Variants in CYYR1 observed in about 807,000 individuals in gnomAD.
The protein encoded by CYYR1 is cysteine and tyrosine-rich protein 1.
A neutral mutation model predicts 15.2 loss-of-function variants in CYYR1; 14 were observed. The observed-to-expected ratio is 0.92, with a 90% CI of 0.61 to 1.44. The LOEUF is 1.44. Ranked by LOEUF, CYYR1 falls within the 40% of genes most tolerant of loss-of-function variation. CYYR1 has a pLI of 0.00. For missense variants in CYYR1, 228 were observed against 209.5 expected (o/e 1.09, Z -0.54); for synonymous variants, 80 against 77.4 (o/e 1.03, Z -0.18).
intron 3 of CYYR1, among the ~76,000 whole-genome samples, chr21:26,479,314 AAAG>A (rs1569139614): frequency 6.6e-6 from 1 of 152,076 alleles, no homozygotes; most frequent in Non-Finnish European, 1.5e-5. Context: ...AAAAAAAAAA[AAAG>A]ATTGACAGAG....
chr21:26,571,607 G>A (rs899955307), intron 1 of CYYR1, among the ~76,000 whole-genome samples: 1 of 152,240 alleles, frequency 6.6e-6, no homozygotes, highest in Non-Finnish European at 1.5e-5. Flanking sequence ...AGCAGAGGAA[G>A]TGAAAAGCAT....
At chr21:26,497,594 A>G (rs2065424857) in intron 2 of CYYR1, among the ~76,000 whole-genome samples, 2 of 152,168 alleles carry the variant, frequency 1.3e-5, no homozygotes, top group Non-Finnish European at 2.9e-5. Context: ...CCAGTAGCAC[A>G]TGGGGCTAAG....
chr21:26,549,768 A>G (rs1021858410), intron 2 of CYYR1, among the ~76,000 whole-genome samples: 18 of 152,186 alleles, frequency 1.2e-4, no homozygotes, highest in Non-Finnish European at 2.5e-4. Context: ...AGTAAAGTCA[A>G]TCTAAGCTTC....
intron 3 of CYYR1, among the ~76,000 whole-genome samples, chr21:26,469,623 T>A (rs1169376218): frequency 6.6e-6 from 1 of 152,180 alleles, no homozygotes; most frequent in Non-Finnish European, 1.5e-5. Flanking sequence ...GTCATTTCTT[T>A]ATGCTGGGAA....
chr21:26,560,479 G>A (rs1980121325), intron 2 of CYYR1, among the ~76,000 whole-genome samples: 1 of 152,204 alleles, frequency 6.6e-6, no homozygotes, highest in Non-Finnish European at 1.5e-5. Context: ...AGAAGTGGTA[G>A]AAGGCACTAG....
intron 2 of CYYR1, among the ~76,000 whole-genome samples, chr21:26,496,859 A>T (rs1276772375): frequency 6.6e-6 from 1 of 152,184 alleles, no homozygotes; most frequent in African/African-American, 2.4e-5. Context: ...GTTTCCCACC[A>T]GATGTGAGTG....
chr21:26,545,429 G>T (rs983526477), intron 2 of CYYR1, among the ~76,000 whole-genome samples: 3 of 152,010 alleles, frequency 2.0e-5, no homozygotes, highest in Non-Finnish European at 2.9e-5. Flanking sequence ...AGGCTTCTTC[G>T]TCTTCTTTTC....
chr21:26,548,617 G>C (rs556891884), intron 2 of CYYR1, among the ~76,000 whole-genome samples: 2 of 152,168 alleles, frequency 1.3e-5, no homozygotes, highest in Non-Finnish European at 2.9e-5. Flanking sequence ...CCAAAGTGCT[G>C]GGATCACAGG....
intron 2 of CYYR1, among the ~76,000 whole-genome samples, chr21:26,521,950 T>C (rs918180557): frequency 6.6e-6 from 1 of 152,206 alleles, no homozygotes; most frequent in African/African-American, 2.4e-5. Context: ...GGACCTGTGG[T>C]GGTATGGATT....
intron 2 of CYYR1, among the ~76,000 whole-genome samples, chr21:26,524,523 C>A (rs1473971058): frequency 6.6e-6 from 1 of 152,122 alleles, no homozygotes; most frequent in Admixed American, 6.5e-5. Flanking sequence ...AACAAATTAC[C>A]TTGTGGTAGA....
chr21:26,522,938 C>G (rs182533799), intron 2 of CYYR1, among the ~76,000 whole-genome samples: 1 of 152,294 alleles, frequency 6.6e-6, no homozygotes, highest in African/African-American at 2.4e-5. Context: ...GGAGCCCAGG[C>G]TCTGAGGAAG....
chr21:26,572,188 G>A (rs1487950329), intron 1 of CYYR1, among the ~76,000 whole-genome samples: 1 of 152,184 alleles, frequency 6.6e-6, no homozygotes, highest in African/African-American at 2.4e-5. Flanking sequence ...ACGTGTGTAA[G>A]ACACTTTATA....
chr21:26,485,164 G>A (rs62216507), intron 2 of CYYR1, among the ~76,000 whole-genome samples: 3 of 151,792 alleles, frequency 2.0e-5, no homozygotes, highest in South Asian at 2.1e-4. Context: ...CGCCTTGCAA[G>A]GTTTGCACAT....
intron 2 of CYYR1, among the ~76,000 whole-genome samples, chr21:26,527,405 A>C (rs2065881099): frequency 6.6e-6 from 1 of 152,212 alleles, no homozygotes; most frequent in South Asian, 2.1e-4. Context: ...ATAACCAAAT[A>C]AAGTCAAATC....
chr21:26,490,551 A>G (rs1433850881), intron 2 of CYYR1, among the ~76,000 whole-genome samples: 1 of 152,184 alleles, frequency 6.6e-6, no homozygotes, highest in Non-Finnish European at 1.5e-5. Flanking sequence ...GTATAAATAT[A>G]ATACACTAGA....
rs552273723 is a variant in CYYR1 at position 26,466,517 on chromosome 21, T to G, written c.*1984A>C. 6.6e-6 allele frequency: 1 copy of G among 152,342 alleles called. No individual in the cohort carries two copies. The highest frequency in any genetic ancestry group is 2.1e-4 in the South Asian group (1 of 4,830). The allele number at this position is 152,342 out of a possible 1,614,324, so 9.4% of individuals were successfully genotyped here. Reference sequence around the variant, plus strand: ...AAAGAAGAGATGGTGTGGACTGAACTGGCTTCTATTTGGGGAAAATTTGCA... The same window carrying G: ...AAAGAAGAGATGGTGTGGACTGAACGGGCTTCTATTTGGGGAAAATTTGCA... On this transcript the variant is annotated 3_prime_UTR_variant, in exon 4 of 4. Coordinates refer to ENST00000652641, the MANE Select transcript of CYYR1 (RefSeq NM_001320768.2).
intron 2 of CYYR1, among the ~76,000 whole-genome samples, chr21:26,501,008 A>C (rs1191830986): frequency 6.6e-6 from 1 of 152,172 alleles, no homozygotes; most frequent in Admixed American, 6.5e-5. Context: ...TGGACATTTC[A>C]TCCAGGAAAT....
At position 26,473,571 on chromosome 21, in the gene CYYR1, C is replaced by T. The variant is rs116940176; in HGVS notation, c.335-4937G>A. On this transcript the variant is annotated intron_variant, in intron 3 of 3. Transcript: ENST00000652641. ...TAATTTTCCAAAAGTTCCCCACCCC[C>T]TTCACTGTGCTCAGTGGAACACAGT... Among the ~76,000 whole-genome samples the T allele has an allele frequency of 2.0e-3, 311 of 152,210 alleles. 6 individuals carry two copies. The East Asian group carries it at 0.056, about 27-fold the overall frequency.
At chr21:26,515,455 G>A (rs1601778958) in intron 2 of CYYR1, among the ~76,000 whole-genome samples, 1 of 152,026 alleles carries the variant, frequency 6.6e-6, no homozygotes, top group African/African-American at 2.4e-5. Context: ...AACCACTGGC[G>A]TTCAAGTGAT....
Sources: gnomAD v4.1 joint callset for allele counts (sites outside exome capture counted in the v4.1 genomes callset) on GRCh38, gnomAD v4.1.1 for gene constraint, MANE v1.5 for transcripts, NCBI Gene and HGNC (gene_info 2026-07-23, HGNC 2026-07-21) for gene names.